RTP4: variants seen among roughly 807,000 people sequenced by gnomAD.
The protein encoded by RTP4 is receptor-transporting protein 4.
A neutral mutation model predicts 6.5 loss-of-function variants in RTP4; 5 were observed. The observed-to-expected ratio is 0.77, with a 90% CI of 0.40 to 1.62. The LOEUF is 1.62. RTP4 is among the 40% of genes most tolerant of loss of function. The pLI is 0.02. For missense variants in RTP4, 266 were observed against 288.7 expected (o/e 0.92, Z 0.57); for synonymous variants, 112 against 114.8 (o/e 0.98, Z 0.15).
rs1711623465 is a variant in RTP4, at chr3:187,371,925, T to TTAGAAACCCAAA, written c.*553_*564dup. The TTAGAAACCCAAA allele has an allele frequency of 3.2e-5, 5 of 154,086 alleles. 1 individual carries two copies. The highest frequency in any genetic ancestry group is 3.2e-4 in the Admixed American group (5 of 15,570). 9.5% of individuals were successfully genotyped at this position (154,086 alleles called of 1,614,324 possible). On this transcript the variant is annotated 3_prime_UTR_variant, in exon 2 of 2. Transcript: ENST00000259030. ...ACAGGCAAAAAAGTACAGGCAGCCTTTAGAAACCCAAAAGGACAAAGGAAC... is the reference window on the plus strand; with the variant it reads ...ACAGGCAAAAAAGTACAGGCAGCCTTTAGAAACCCAAATAGAAACCCAAAAGGACAAAGGAAC...
Position 187,371,077 on chromosome 3 carries a change from C to T in RTP4, c.445C>T (p.His149Tyr). ...CCTGGAAGTGTCCCTGGAAGGATCC[C>T]ATGACACAGCCAATTGTGAGGCATG... ...VILEVSLEGS[H>Y]DTANCEACTL... The change falls in exon 2 of 2, where the codon CAT (histidine) becomes TAT (tyrosine). Residue 149 changes from histidine to tyrosine, a missense_variant. Coordinates refer to ENST00000259030, the MANE Select transcript of RTP4 (RefSeq NM_022147.3). 6.2e-7 allele frequency: 1 copy of T among 1,614,208 alleles called. No individual in the cohort carries two copies. Among genetic ancestry groups the T allele is most frequent in the African/African-American group, 1.3e-5 (1 of 75,052 alleles).
In RTP4 at chr3:187,370,998, A is replaced by G; in HGVS notation, c.366A>G (p.Ile122Met). ...MRILSNLVQH[I>M]LKKYYGNGTR... ...TTCTGAGCAACCTGGTGCAGCATAT[A>G]CTGAAGAAATACTATGGAAATGGCA... The change falls in exon 2 of 2, where the codon ATA becomes ATG. Residue 122 changes from isoleucine (I) to methionine (M), a missense_variant. Physicochemically the swap from Ile to Met is conservative, Grantham distance 10 (BLOSUM62 1). Transcript: ENST00000259030. The G allele has an allele frequency of 6.2e-7, 1 of 1,614,208 alleles. No individual in the cohort carries two copies. Among genetic ancestry groups the G allele is most frequent in the East Asian group, 2.2e-5 (1 of 44,888 alleles).
In RTP4 at chr3:187,371,653, C is replaced by A; in HGVS notation, c.*280C>A. On this transcript the variant is annotated 3_prime_UTR_variant, in exon 2 of 2. Transcript: ENST00000259030. ...TACTTAGCTCAGAAAGTGTGGGAGG[C>A]TGAATAATGGTGTCTCCCAACATAT... 1 of 386,394 alleles carries A rather than the reference C, an allele frequency of 2.6e-6. No homozygotes were observed. Among genetic ancestry groups the A allele is most frequent in the Non-Finnish European group, 4.7e-6 (1 of 212,388 alleles). 23.9% of individuals were successfully genotyped at this position (386,394 alleles called of 1,614,324 possible). A position where few individuals can be genotyped will look rare whatever the true frequency, so the allele number is the denominator to read the frequency against.
In RTP4 at chr3:187,372,016, C is replaced by G. The variant is rs1345263336; in HGVS notation, c.*643C>G. 1 of 152,284 alleles carries G rather than the reference C, an allele frequency of 6.6e-6. No individual in the cohort carries two copies. The highest frequency in any genetic ancestry group is 1.5e-5 in the Non-Finnish European group (1 of 68,094). The allele number at this position is 152,284 out of a possible 1,614,324, so 9.4% of individuals were successfully genotyped here. ...TGCACATGGCTTTAGCCCAGTGACA[C>G]TGATTTTGGACATCTGACCTTCAGA... On this transcript the variant is annotated 3_prime_UTR_variant, in exon 2 of 2. Transcript: ENST00000259030.
intron 1 of RTP4, 84 bp from the exon 2 acceptor site, chr3:187,370,704 A>C (rs1351173842): frequency 1.2e-6 from 1 of 852,288 alleles, no homozygotes; most frequent in Non-Finnish European, 1.9e-6. Flanking sequence ...ATGGAAAAGG[A>C]TGTTAGTGAC....
At chr3:187,370,277 T>C (rs1228621505) in intron 1 of RTP4, among the ~76,000 whole-genome samples, 2 of 152,192 alleles carry the variant, frequency 1.3e-5, no homozygotes, top group Non-Finnish European at 2.9e-5. Context: ...ATGAGTTGAA[T>C]TTCAGATGGC....
At chr3:187,368,719 G>A in intron 1 of RTP4, 123 bp downstream of exon 1, 1 of 877,000 alleles carries the variant, frequency 1.1e-6, no homozygotes, top group Non-Finnish European at 1.7e-6. Context: ...CCATCCTATT[G>A]TGGTCATAGT....
At chr3:187,369,820 T>C (rs1469061530) in intron 1 of RTP4, among the ~76,000 whole-genome samples, 1 of 152,180 alleles carries the variant, frequency 6.6e-6, no homozygotes, top group East Asian at 1.9e-4. Flanking sequence ...TTGCTCTGCT[T>C]TCTAATCCAG....
Position 187,370,956 on chromosome 3 carries a change from G to C in RTP4, c.324G>C (p.Ser108=). The C allele has an allele frequency of 6.2e-7, 1 of 1,614,116 alleles. No individual in the cohort carries two copies. The highest frequency in any genetic ancestry group is 8.5e-7 in the Non-Finnish European group (1 of 1,180,020). ...AATATGAGATGCCTGAGTTCTCCTC[G>C]GATAGCACCATGAGGATTCTGAGCA... The part of the protein sequence containing the change: ...WSQYEMPEFS[S]DSTMRILSNL... Residue 108 remains serine (S), a synonymous_variant, in exon 2 of 2, where the codon TCG becomes TCC. Coordinates refer to ENST00000259030, the MANE Select transcript of RTP4 (RefSeq NM_022147.3).
intron 1 of RTP4, among the ~76,000 whole-genome samples, chr3:187,369,836 T>C (rs575743140): frequency 6.6e-6 from 1 of 152,246 alleles, no homozygotes; most frequent in African/African-American, 2.4e-5. Flanking sequence ...TCCAGGGAAA[T>C]GTGTAAATAT....
At chr3:187,370,652 T>C in intron 1 of RTP4, 136 bp from the exon 2 acceptor site, 1 of 653,228 alleles carries the variant, frequency 1.5e-6, no homozygotes, top group Non-Finnish European at 2.7e-6. Flanking sequence ...TGTTCCTGTT[T>C]ATCAATGACT....
At position 187,370,933 on chromosome 3, in the gene RTP4, T is replaced by C. The variant is rs1190237350; in HGVS notation, c.301T>C (p.Tyr101His). The C allele has an allele frequency of 3.7e-6, 6 of 1,614,182 alleles. No individual in the cohort carries two copies. In the South Asian group the frequency reaches 6.6e-5, roughly 18 times the overall value. ...QRCQKCSWSQ[Y>H]EMPEFSSDST... is the part of the protein sequence containing the mutation. ...GTGCCAGAAGTGCTCCTGGTCCCAA[T>C]ATGAGATGCCTGAGTTCTCCTCGGA... Residue 101 changes from tyrosine (Y) to histidine (H), a missense_variant, in exon 2 of 2, where the codon TAT (tyrosine) becomes CAT (histidine). Transcript: ENST00000259030.
At position 187,368,434 on chromosome 3, in the gene RTP4, G is replaced by C. The variant is rs1469091721; in HGVS notation, c.-8G>C. 6.2e-7 allele frequency: 1 copy of C among 1,606,772 alleles called. No individual in the cohort carries two copies. Among genetic ancestry groups the C allele is most frequent in the African/African-American group, 1.3e-5 (1 of 74,444 alleles). On this transcript the variant is annotated 5_prime_UTR_variant, in exon 1 of 2. Coordinates refer to ENST00000259030, the MANE Select transcript of RTP4 (RefSeq NM_022147.3). ...TGAAAGCTACTCTCTCAGCTTCAGA[G>C]GGAAAAAATGGTTGTAGATTTCTGG...
Position 187,370,925 on chromosome 3 carries a change from G to A in RTP4, c.293G>A (p.Trp98Ter), listed in dbSNP as rs1241440110. 1.2e-6 allele frequency: 2 copies of A among 1,614,182 alleles called. No individual in the cohort carries two copies. The highest frequency in any genetic ancestry group is 1.7e-6 in the Non-Finnish European group (2 of 1,180,028). ...GGCCAAAGGTGCCAGAAGTGCTCCT[G>A]GTCCCAATATGAGATGCCTGAGTTC... The part of the protein sequence containing the change: ...LFGQRCQKCS[W>*]SQYEMPEFSS... Residue 98 changes from tryptophan (W) to a stop codon, truncating the protein, a stop_gained, in exon 2 of 2, where the codon TGG (tryptophan) becomes TAG (stop). Coordinates refer to ENST00000259030, the MANE Select transcript of RTP4 (RefSeq NM_022147.3). LOFTEE classifies it low-confidence loss of function (END_TRUNC).
At chr3:187,369,130 C>T (rs1201833784) in intron 1 of RTP4, among the ~76,000 whole-genome samples, 1 of 151,618 alleles carries the variant, frequency 6.6e-6, no homozygotes, top group Non-Finnish European at 1.5e-5. Context: ...AAATCTAAAA[C>T]CCAGTTCATG....
Position 187,371,064 on chromosome 3 carries a change from C to T in RTP4, c.432C>T (p.Ser144=). The part of the protein sequence containing the change: ...SPEMPVILEV[S]LEGSHDTANC... ...AAATGCCAGTAATCCTGGAAGTGTCCCTGGAAGGATCCCATGACACAGCCA... is the reference window on the plus strand; with the variant it reads ...AAATGCCAGTAATCCTGGAAGTGTCTCTGGAAGGATCCCATGACACAGCCA... Residue 144 remains serine (S), a synonymous_variant, in exon 2 of 2, where the codon TCC becomes TCT. Transcript: ENST00000259030. The T allele has an allele frequency of 6.2e-7, 1 of 1,614,156 alleles. No homozygotes were observed. Among genetic ancestry groups the T allele is most frequent in the Non-Finnish European group, 8.5e-7 (1 of 1,180,036 alleles).
In RTP4 at chr3:187,370,878, T is replaced by A; in HGVS notation, c.246T>A (p.Gly82=). ...ACTGGGAGCACTGGACATCCCAGGG[T>A]CAGGTGCGTATGAGGCTCTTTGGCC... ...HTYWEHWTSQ[G]QVRMRLFGQR... The change falls in exon 2 of 2, where the codon GGT becomes GGA. Residue 82 remains glycine (G), a synonymous_variant. Transcript: ENST00000259030. 1 of 1,614,062 alleles carries A rather than the reference T, an allele frequency of 6.2e-7. No homozygotes were observed. The highest frequency in any genetic ancestry group is 8.5e-7 in the Non-Finnish European group (1 of 1,180,038).
Position 187,371,383 on chromosome 3 carries a change from G to T in RTP4, c.*10G>T, listed in dbSNP as rs757097302. The T allele has an allele frequency of 2.7e-4, 427 of 1,559,624 alleles. 1 individual carries two copies. The highest frequency in any genetic ancestry group is 7.8e-4 in the South Asian group (69 of 88,564). On this transcript the variant is annotated 3_prime_UTR_variant, in exon 2 of 2. Transcript: ENST00000259030. The stretch of plus-strand genomic sequence containing the variant: ...CTTTACATCAGAATGATGAAAATAG[G>T]CTTGCCACTTTCTCTTATTTTAATT...
At position 187,371,325 on chromosome 3, in the gene RTP4, T is replaced by C; in HGVS notation, c.693T>C (p.Phe231=). The C allele has an allele frequency of 6.2e-7, 1 of 1,601,782 alleles. No individual in the cohort carries two copies. The change falls in exon 2 of 2, where the codon TTT becomes TTC. Residue 231 remains phenylalanine (F), a synonymous_variant. Transcript: ENST00000259030. The part of the protein sequence containing the change: ...RDPDPLNICV[F]ILLLVFIVVK... ...CAGATCCACTGAACATCTGTGTCTT[T>C]ATTTTGCTGCTTGTATTTATTGTAG...
Sources: gnomAD v4.1 joint callset for allele counts (sites outside exome capture counted in the v4.1 genomes callset) on GRCh38, gnomAD v4.1.1 for gene constraint, MANE v1.5 for transcripts, NCBI Gene and HGNC (gene_info 2026-07-23, HGNC 2026-07-21) for gene names.